Variants in CADM2 observed in about 807,000 individuals in gnomAD.
CADM2 encodes cell adhesion molecule 2, also known as immunoglobulin superfamily member 4D.
A neutral mutation model predicts 49.8 loss-of-function variants in CADM2; 12 were observed. That is an observed-to-expected ratio of 0.24 (90% CI 0.15 to 0.39). The LOEUF is 0.39. Among genes scored for constraint, CADM2 ranks in the 10% least tolerant of loss-of-function variants. The pLI is 1.00. For synonymous variants in CADM2, 214 were observed against 175.4 expected (o/e 1.22, Z -1.74); for missense variants, 378 against 492.3 (o/e 0.77, Z 2.20).
intron 1 of CADM2, among the ~76,000 whole-genome samples, chr3:85,061,035 A>G (rs2036289086): frequency 6.6e-6 from 1 of 152,170 alleles, no homozygotes; most frequent in Admixed American, 6.6e-5. Flanking sequence ...ATCTTTAATA[A>G]TGATAACAAA....
At chr3:85,079,068 A>G (rs986695023) in intron 1 of CADM2, among the ~76,000 whole-genome samples, 6 of 151,884 alleles carry the variant, frequency 4.0e-5, no homozygotes, top group Admixed American at 3.9e-4. Flanking sequence ...AAATGGGCTT[A>G]GTTTAAATTA....
At chr3:85,408,428 TG>T (rs536779112) in intron 1 of CADM2, among the ~76,000 whole-genome samples, 56 of 152,356 alleles carry the variant, frequency 3.7e-4, no homozygotes, top group Middle Eastern at 3.4e-3. Context: ...TTTGAAACTC[TG>T]GGTATCTTGC....
At chr3:85,905,564 C>A (rs553296203) in intron 5 of CADM2, among the ~76,000 whole-genome samples, 1 of 151,702 alleles carries the variant, frequency 6.6e-6, no homozygotes, top group Non-Finnish European at 1.5e-5. Flanking sequence ...CTGTACCCAG[C>A]GTCTAAAACC....
intron 1 of CADM2, among the ~76,000 whole-genome samples, chr3:85,233,337 A>G (rs2042340138): frequency 6.6e-6 from 1 of 152,048 alleles, no homozygotes; most frequent in African/African-American, 2.4e-5. Context: ...ATTTGTCAGA[A>G]CCCATAGGCC....
intron 1 of CADM2, among the ~76,000 whole-genome samples, chr3:85,366,807 A>G (rs1433746618): frequency 1.3e-5 from 2 of 152,014 alleles, no homozygotes; most frequent in African/African-American, 2.4e-5. Context: ...TTTTATGTCA[A>G]TCTTTTATGT....
intron 8 of CADM2, among the ~76,000 whole-genome samples, chr3:85,988,990 A>G (rs1728451339): frequency 6.6e-6 from 1 of 152,214 alleles, no homozygotes. Context: ...AGCGGGTTCT[A>G]TAATGAAGGA....
intron 1 of CADM2, among the ~76,000 whole-genome samples, chr3:85,463,552 A>G (rs76794616): frequency 0.016 from 2,368 of 152,282 alleles, 28 homozygotes; most frequent in Non-Finnish European, 0.025. Context: ...ATATTTTTAA[A>G]TAAAAGGGAT....
At chr3:85,965,092 A>G (rs944242412) in intron 8 of CADM2, among the ~76,000 whole-genome samples, 2 of 151,620 alleles carry the variant, frequency 1.3e-5, no homozygotes, top group South Asian at 4.1e-4. Context: ...CAAGAAGATT[A>G]TAGTTTAATG....
At chr3:85,262,806 G>A (rs1419683407) in intron 1 of CADM2, among the ~76,000 whole-genome samples, 7 of 113,132 alleles carry the variant, frequency 6.2e-5, no homozygotes, top group South Asian at 2.7e-4. Context: ...TTTATAGAAC[G>A]TATAAGATCT....
intron 1 of CADM2, among the ~76,000 whole-genome samples, chr3:84,981,437 C>T (rs1434479236): frequency 2.0e-5 from 3 of 151,928 alleles, no homozygotes; most frequent in East Asian, 3.9e-4. Context: ...CTGAATTGTA[C>T]GTTACTATTT....
rs566145846 is a variant in CADM2, at chr3:85,162,919, TAG to T, written c.61+203253_61+203254del. Among the ~76,000 whole-genome samples, 303 of 152,074 alleles carry T rather than the reference TAG, an allele frequency of 2.0e-3. 2 individuals carry two copies. The highest frequency in any genetic ancestry group is 7.0e-3 in the African/African-American group (289 of 41,488). On this transcript the variant is annotated intron_variant, in intron 1 of 9. Coordinates refer to ENST00000383699, the MANE Select transcript of CADM2 (RefSeq NM_001167675.2). ...ACAGTAATTAGTATGTATATGGAGA[TAG>T]ACATATTTTGAAGAAAATAGACATA...
At chr3:85,158,172 A>C (rs956338990) in intron 1 of CADM2, among the ~76,000 whole-genome samples, 13 of 152,342 alleles carry the variant, frequency 8.5e-5, no homozygotes, top group Admixed American at 5.2e-4. Context: ...AATGGCAATC[A>C]TTAAAAAGTC....
chr3:85,894,852 A>C (rs1005573344), intron 5 of CADM2, among the ~76,000 whole-genome samples: 30 of 152,190 alleles, frequency 2.0e-4, no homozygotes, highest in Non-Finnish European at 7.3e-5. Flanking sequence ...TGTGGGTACA[A>C]AAACTCAAGA....
intron 3 of CADM2, among the ~76,000 whole-genome samples, chr3:85,871,084 A>T (rs1187355237): frequency 1.3e-5 from 2 of 152,194 alleles, no homozygotes; most frequent in Non-Finnish European, 2.9e-5. Flanking sequence ...AGTAAAAGAA[A>T]CAACAGAGTG....
chr3:85,531,669 A>G (rs894994002), intron 1 of CADM2, among the ~76,000 whole-genome samples: 1 of 152,178 alleles, frequency 6.6e-6, no homozygotes, highest in Non-Finnish European at 1.5e-5. Flanking sequence ...TGATAAAAGT[A>G]TCTAGGAAAA....
chr3:85,646,093 G>A (rs2064874699), intron 1 of CADM2, among the ~76,000 whole-genome samples: 1 of 151,918 alleles, frequency 6.6e-6, no homozygotes, highest in Non-Finnish European at 1.5e-5. Context: ...TGTCATTTCA[G>A]TTAGTACCTG....
intron 8 of CADM2, among the ~76,000 whole-genome samples, chr3:86,051,264 A>G (rs1737309990): frequency 6.6e-6 from 1 of 152,158 alleles, no homozygotes; most frequent in African/African-American, 2.4e-5. Flanking sequence ...TTCTTTGCTA[A>G]CACATAACTA....
At chr3:85,228,140 C>T (rs1295925616) in intron 1 of CADM2, among the ~76,000 whole-genome samples, 1 of 151,916 alleles carries the variant, frequency 6.6e-6, no homozygotes, top group Non-Finnish European at 1.5e-5. Context: ...TTGTGGTGTT[C>T]TCTGTATTTC....
At position 85,467,985 on chromosome 3, in the gene CADM2, T is replaced by C. The variant is rs113883666; in HGVS notation, c.62-258537T>C. 8.1e-3 allele frequency among the ~76,000 whole-genome samples: 1,226 copies of C among 151,608 alleles called. 14 individuals are homozygous for C. Among genetic ancestry groups the C allele is most frequent in the African/African-American group, 0.028 (1,153 of 41,294 alleles). On this transcript the variant is annotated intron_variant, in intron 1 of 9. Transcript: ENST00000383699. Reference sequence around the variant, plus strand: ...CCGGCTAAAACGGTGAAACCCCGTCTCTACTAAAAATACAAAAAATTAGCC... The same window carrying C: ...CCGGCTAAAACGGTGAAACCCCGTCCCTACTAAAAATACAAAAAATTAGCC...
Sources: allele counts gnomAD v4.1 joint callset (sites outside exome capture counted in the v4.1 genomes callset), GRCh38; gene constraint gnomAD v4.1.1; transcripts MANE v1.5; gene names NCBI Gene and HGNC (gene_info 2026-07-23, HGNC 2026-07-21).